The following EMILIN2 variants were observed in gnomAD, a reference collection of about 807,000 sequenced individuals.
EMILIN2 encodes the protein elastin microfibril interfacer 2.
In EMILIN2, 71 loss-of-function variants were observed where a neutral mutation model predicts 87.1. The ratio of observed to expected loss-of-function variants is 0.82; its 90% confidence interval spans 0.67 to 0.99. EMILIN2 has a LOEUF of 0.99. Among genes scored for constraint, EMILIN2 ranks in the 50% least tolerant of loss-of-function variants. The pLI, the probability that EMILIN2 is intolerant of heterozygous loss-of-function variation, is 0.00. For missense variants in EMILIN2, 1,407 were observed against 1,371.8 expected (o/e 1.03, Z -0.40); for synonymous variants, 581 against 563.4 (o/e 1.03, Z -0.44).
In EMILIN2 at chr18:2,891,124, A is replaced by G. The variant is rs1419170579; in HGVS notation, c.997A>G (p.Met333Val). The G allele has an allele frequency of 6.2e-7, 1 of 1,614,100 alleles. No individual in the cohort carries two copies. The highest frequency in any genetic ancestry group is 2.2e-5 in the East Asian group (1 of 44,894). ...DALREELMEG[M>V]DRKLADLKNS... ...CCTGAGAGAGGAGCTCATGGAGGGC[A>G]TGGACAGAAAGCTGGCTGACCTGAA... is the stretch of plus-strand genomic sequence containing the variant. Residue 333 changes from methionine to valine, a missense_variant, in exon 4 of 8, where the codon ATG (methionine) becomes GTG (valine). Physicochemically the swap from Met to Val is conservative, Grantham distance 21 (BLOSUM62 1). Transcript: ENST00000254528. This position sits in a 1 kb window ranked among gnomAD's most constrained non-coding sequence, Gnocchi z 4.6.
Position 2,890,440 on chromosome 18 carries a change from T to C in EMILIN2, c.434-121T>C. 2 of 1,206,052 alleles carry C rather than the reference T, an allele frequency of 1.7e-6. No homozygotes were observed. Among genetic ancestry groups the C allele is most frequent in the East Asian group, 2.4e-5 (1 of 41,626 alleles). 74.7% of individuals were successfully genotyped at this position (1,206,052 alleles called of 1,614,324 possible). ...CTGTACCACAGTACTTACCTACAAT[T>C]GTGTAGTGACCTGTAAGTGAAGATG... On this transcript the variant is annotated intron_variant, in intron 3 of 7. Coordinates refer to ENST00000254528, the MANE Select transcript of EMILIN2 (RefSeq NM_032048.3). This position sits in a 1 kb window ranked among gnomAD's most constrained non-coding sequence, Gnocchi z 4.7.
At chr18:2,910,225 A>C (rs1367851150) in intron 7 of EMILIN2, among the ~76,000 whole-genome samples, 2 of 152,174 alleles carry the variant, frequency 1.3e-5, no homozygotes, top group East Asian at 3.9e-4. Flanking sequence ...GGCCAGGACA[A>C]GCGGGAGGCT....
At chr18:2,898,906 T>C (rs1002536512) in intron 4 of EMILIN2, among the ~76,000 whole-genome samples, 2 of 152,194 alleles carry the variant, frequency 1.3e-5, no homozygotes, top group Admixed American at 1.3e-4. Context: ...ATTCAGGCCA[T>C]AGGGAACTCC....
chr18:2,880,962 T>C lies in EMILIN2; in HGVS notation c.258-4002T>C, dbSNP rs2076774283. On this transcript the variant is annotated intron_variant, in intron 2 of 7. Transcript: ENST00000254528. The surrounding 1 kb of genome is among the most constrained non-coding windows in gnomAD (Gnocchi z 4.1). ...TTCCTTGGCATTTTCTAAAGCTCAC[T>C]AGCTATTTTCCTGCAGTGCCTTGGG... 6.6e-6 allele frequency among the ~76,000 whole-genome samples: 1 copy of C among 152,208 alleles called. No homozygotes were observed.
intron 2 of EMILIN2, among the ~76,000 whole-genome samples, chr18:2,857,133 T>A (rs746934936): frequency 1.3e-5 from 2 of 152,224 alleles, no homozygotes; most frequent in Non-Finnish European, 2.9e-5. Context: ...GATGAGGGAA[T>A]ACGCCTAAGA....
intron 2 of EMILIN2, among the ~76,000 whole-genome samples, chr18:2,870,983 G>C (rs2076716711): frequency 6.6e-6 from 1 of 152,026 alleles, no homozygotes; most frequent in Non-Finnish European, 1.5e-5. Context: ...ATTTTCCCTG[G>C]TTTCTAAGGA....
intron 7 of EMILIN2, 36 bp downstream of exon 7, chr18:2,909,855 TC>T: frequency 3.1e-6 from 5 of 1,600,914 alleles, no homozygotes; most frequent in Non-Finnish European, 4.3e-6. Context: ...TGTGTCCTCC[TC>T]CTACCCCAAC....
At chr18:2,851,748 G>A (rs1000157175) in intron 2 of EMILIN2, among the ~76,000 whole-genome samples, 1 of 152,188 alleles carries the variant, frequency 6.6e-6, no homozygotes, top group Non-Finnish European at 1.5e-5. Context: ...AACAGAAGGG[G>A]TTTTTATATA....
At chr18:2,908,153 T>C (rs2076923579) in intron 5 of EMILIN2, among the ~76,000 whole-genome samples, 1 of 152,228 alleles carries the variant, frequency 6.6e-6, no homozygotes, top group South Asian at 2.1e-4. Flanking sequence ...ATAACACTTA[T>C]CTTCTGTTAG....
intron 4 of EMILIN2, among the ~76,000 whole-genome samples, chr18:2,904,342 G>A (rs2076900356): frequency 6.6e-6 from 1 of 152,210 alleles, no homozygotes; most frequent in Non-Finnish European, 1.5e-5. Flanking sequence ...GTTCTGGGAA[G>A]TTGTGTGTTT....
Position 2,891,178 on chromosome 18 carries a change from C to CTGG in EMILIN2, c.1052_1053insGGT (p.Leu351_Gln352insVal). 1 of 1,614,198 alleles carries CTGG rather than the reference C, an allele frequency of 6.2e-7. No individual in the cohort carries two copies. The highest frequency in any genetic ancestry group is 1.1e-5 in the South Asian group (1 of 91,092). ...CTCATGTGAGTACAAGCTCACTGGCCTCCAGCAGCAGTGTGATGACTATGG... is the reference window on the plus strand; with the variant it reads ...CTCATGTGAGTACAAGCTCACTGGCCTGGTCCAGCAGCAGTGTGATGACTATGG... On this transcript the variant is annotated inframe_insertion, in exon 4 of 8. Transcript: ENST00000254528. The surrounding 1 kb of genome is among the most constrained non-coding windows in gnomAD (Gnocchi z 4.6).
At chr18:2,906,268 C>T (rs1598505738) in intron 4 of EMILIN2, 1 of 152,384 alleles carries the variant, frequency 6.6e-6, no homozygotes, top group African/African-American at 2.4e-5. Flanking sequence ...CCGCTGGCGA[C>T]GTGGGCGCTG....
intron 2 of EMILIN2, among the ~76,000 whole-genome samples, chr18:2,868,291 A>AC (rs2076699725): frequency 6.7e-6 from 1 of 148,902 alleles, no homozygotes; most frequent in Non-Finnish European, 1.5e-5. Flanking sequence ...GGCGGCGGGG[A>AC]AGAGGCGCTC....
At chr18:2,868,353 G>T (rs936698179) in intron 2 of EMILIN2, among the ~76,000 whole-genome samples, 2 of 152,088 alleles carry the variant, frequency 1.3e-5, no homozygotes, top group Non-Finnish European at 2.9e-5. Context: ...CATCCCAGAC[G>T]ATGGGCGGCC....
rs752178620 is a variant in EMILIN2 at position 2,892,343 on chromosome 18, A to T, written c.2216A>T (p.Asn739Ile). The T allele has an allele frequency of 3.1e-6, 5 of 1,614,134 alleles. No homozygotes were observed. The highest frequency in any genetic ancestry group is 1.3e-5 in the African/African-American group (1 of 75,040). The part of the protein sequence containing the change: ...GLNKHVSSLW[N>I]CVRQMNGTLR... ...AACAAGCATGTCAGCAGCCTGTGGA[A>T]CTGTGTCAGGCAGATGAACGGAACG... is the stretch of plus-strand genomic sequence containing the variant. Residue 739 changes from asparagine to isoleucine, a missense_variant, in exon 4 of 8, where the codon AAC (asparagine) becomes ATC (isoleucine). Physicochemically the swap from Asn to Ile is moderately radical, Grantham distance 149 (BLOSUM62 -3). Coordinates refer to ENST00000254528, the MANE Select transcript of EMILIN2 (RefSeq NM_032048.3).
rs767154573 is a variant in EMILIN2 at position 2,913,364 on chromosome 18, T to G, written c.3122T>G (p.Phe1041Cys). ...HTDFDEMYST[F>C]SGVFLYPFLS... ...GACTTTGATGAAATGTACTCCACATTTAGTGGGGTTTTCTTATATCCTTTC... is the reference window on the plus strand; with the variant it reads ...GACTTTGATGAAATGTACTCCACATGTAGTGGGGTTTTCTTATATCCTTTC... The change falls in exon 8 of 8, where the codon TTT becomes TGT. Residue 1041 changes from phenylalanine (F) to cysteine (C), a missense_variant. By Grantham distance (205) the Phe-to-Cys change is radical. Transcript: ENST00000254528. The G allele has an allele frequency of 1.2e-5, 19 of 1,610,204 alleles. No homozygotes were observed. In the Admixed American group the frequency reaches 3.2e-4, roughly 27 times the overall value.
Position 2,880,537 on chromosome 18 carries a change from G to T in EMILIN2, c.258-4427G>T, listed in dbSNP as rs1346711890. On this transcript the variant is annotated intron_variant, in intron 2 of 7. Transcript: ENST00000254528. The surrounding 1 kb of genome is among the most constrained non-coding windows in gnomAD (Gnocchi z 4.1). ...CACCTGTGGACGGGGCTCTCCAGAG[G>T]GCTGGGGCACCATCACAGTCACAGC... 6.6e-6 allele frequency among the ~76,000 whole-genome samples: 1 copy of T among 152,202 alleles called. No individual in the cohort carries two copies. Among genetic ancestry groups the T allele is most frequent in the Non-Finnish European group, 1.5e-5 (1 of 68,038 alleles).
intron 2 of EMILIN2, among the ~76,000 whole-genome samples, chr18:2,852,358 C>T (rs1463054488): frequency 6.6e-6 from 1 of 152,120 alleles, no homozygotes; most frequent in African/African-American, 2.4e-5. Flanking sequence ...CCAGTGAGCT[C>T]GACCGCTTCA....
At chr18:2,884,717 C>A (rs1322479277) in intron 2 of EMILIN2, among the ~76,000 whole-genome samples, 3 of 152,158 alleles carry the variant, frequency 2.0e-5, no homozygotes, top group Admixed American at 6.5e-5. Context: ...GCTGTGTGTT[C>A]CCCTTGCTGG....
Sources: gnomAD v4.1 joint callset for allele counts (sites outside exome capture counted in the v4.1 genomes callset) on GRCh38, gnomAD v4.1.1 for gene constraint, Gnocchi (gnomAD v3.1) non-coding constraint, MANE v1.5 for transcripts, NCBI Gene and HGNC (gene_info 2026-07-23, HGNC 2026-07-21) for gene names.